Variants in LBH observed in about 807,000 individuals in gnomAD.
The protein encoded by LBH is protein LBH.
A neutral mutation model predicts 12.5 loss-of-function variants in LBH; 7 were observed. That is an observed-to-expected ratio of 0.56 (90% CI 0.32 to 1.05). The LOEUF is 1.05. LBH is among the 50% of genes least tolerant of loss of function. The pLI, the probability that LBH is intolerant of heterozygous loss-of-function variation, is 0.04. For synonymous variants in LBH, 51 were observed against 50.1 expected, an observed-to-expected ratio of 1.02 and a Z score of -0.08; for missense variants, 119 against 138.9, an observed-to-expected ratio of 0.86 and a Z score of 0.72.
intron 2 of LBH, among the ~76,000 whole-genome samples, chr2:30,242,610 A>G (rs750252389): frequency 3.9e-5 from 6 of 152,306 alleles, no homozygotes; most frequent in South Asian, 4.1e-4. Flanking sequence ...ATCCACACCC[A>G]TATTTCTATC....
At chr2:30,232,248 C>CG in intron 1 of LBH, 1 of 1,396,752 alleles carries the variant, frequency 7.2e-7, no homozygotes, top group Non-Finnish European at 9.4e-7. Flanking sequence ...GGGTGGGGGG[C>CG]GGGAAACGCT....
intron 2 of LBH, among the ~76,000 whole-genome samples, chr2:30,250,011 T>C (rs141484103): frequency 6.4e-4 from 98 of 152,268 alleles, no homozygotes; most frequent in African/African-American, 2.3e-3. Flanking sequence ...GATTTTCTCA[T>C]TTTACTCGGG....
intron 2 of LBH, among the ~76,000 whole-genome samples, chr2:30,243,970 A>T: frequency 6.6e-6 from 1 of 152,224 alleles, no homozygotes; most frequent in South Asian, 2.1e-4. Flanking sequence ...AGCAGGGTCC[A>T]CATACTCCTG....
chr2:30,254,790 C>T (rs1381329715), intron 2 of LBH, among the ~76,000 whole-genome samples: 1 of 152,212 alleles, frequency 6.6e-6, no homozygotes, highest in Non-Finnish European at 1.5e-5. Flanking sequence ...GGAGGCAGGG[C>T]CAGGCTCTTC....
At chr2:30,255,291 GGC>G (rs1221680143) in intron 2 of LBH, among the ~76,000 whole-genome samples, 1 of 142,932 alleles carries the variant, frequency 7.0e-6, no homozygotes. Context: ...AAGCCCACGT[GGC>G]GCTCCTCGCT....
At chr2:30,255,466 A>G (rs1678068022) in intron 2 of LBH, among the ~76,000 whole-genome samples, 1 of 152,174 alleles carries the variant, frequency 6.6e-6, no homozygotes, top group South Asian at 2.1e-4. Flanking sequence ...GGCTGCCATT[A>G]TGATACCTTT....
chr2:30,231,850 G>A (rs993279684), intron 1 of LBH, 86 bp downstream of exon 1: 7 of 1,241,206 alleles, frequency 5.6e-6, no homozygotes, highest in African/African-American at 1.6e-5. Flanking sequence ...CTCCGGGTGC[G>A]AGGGCAGCCG....
At chr2:30,240,572 C>T (rs1023178022) in intron 2 of LBH, among the ~76,000 whole-genome samples, 16 of 152,174 alleles carry the variant, frequency 1.1e-4, no homozygotes, top group Admixed American at 2.6e-4. Context: ...TGTCCTCAAG[C>T]GCAGCTCAGG....
chr2:30,237,641 G>A (rs186346710), intron 2 of LBH, among the ~76,000 whole-genome samples: 9 of 152,224 alleles, frequency 5.9e-5, no homozygotes, highest in East Asian at 1.9e-4. Flanking sequence ...GCCTCCTCAC[G>A]CTCATGCCTA....
At chr2:30,236,288 AGGGAGGAAGGAGCTGG>A (rs1052011610) in intron 2 of LBH, among the ~76,000 whole-genome samples, 1 of 152,104 alleles carries the variant, frequency 6.6e-6, no homozygotes, top group African/African-American at 2.4e-5. Flanking sequence ...GCAGGTGGTG[AGGGAGGAAGGAGCTGG>A]GGGAGGAAGG....
In LBH at chr2:30,257,562, G is replaced by A; in HGVS notation, c.259G>A (p.Val87Ile). ...CCGGTGGCCCCCTGAGGAGTTCCTG[G>A]TCCAGGAGGATGAGCAAGATAACTG... ...ELRWPPEEFL[V>I]QEDEQDNCEE... The change falls in exon 3 of 3, where the codon GTC becomes ATC. Residue 87 changes from valine (V) to isoleucine (I), a missense_variant. Coordinates refer to ENST00000395323, the MANE Select transcript of LBH (RefSeq NM_030915.4). 1 of 1,614,166 alleles carries A rather than the reference G, an allele frequency of 6.2e-7. No homozygotes were observed. The highest frequency in any genetic ancestry group is 8.5e-7 in the Non-Finnish European group (1 of 1,180,032).
intron 2 of LBH, among the ~76,000 whole-genome samples, chr2:30,245,969 T>C: frequency 6.6e-6 from 1 of 151,890 alleles, no homozygotes; most frequent in Non-Finnish European, 1.5e-5. Context: ...TCTTTTTTTT[T>C]TTTTTTTCCC....
chr2:30,233,075 A>C (rs954370728), intron 1 of LBH: 1 of 152,222 alleles, frequency 6.6e-6, no homozygotes, highest in Non-Finnish European at 1.5e-5. Context: ...GCCTTATTAT[A>C]GGTGAAGCTT....
chr2:30,258,272 G>C lies in LBH; in HGVS notation c.*651G>C, dbSNP rs2103565298. ...TGGCTGCCTGCAAAGCCAGCTGGAG[G>C]TGAAGTGCAGGAAAGGAAAGGTCAC... On this transcript the variant is annotated 3_prime_UTR_variant, in exon 3 of 3. Transcript: ENST00000395323. 6.5e-6 allele frequency: 1 copy of C among 152,710 alleles called. No individual in the cohort carries two copies. Among genetic ancestry groups the C allele is most frequent in the Middle Eastern group, 3.4e-3 (1 of 294 alleles). The allele number at this position is 152,710 out of a possible 1,614,324, so 9.5% of individuals were successfully genotyped here.
chr2:30,231,650 G>A lies in LBH; in HGVS notation c.-89G>A. On this transcript the variant is annotated 5_prime_UTR_variant, in exon 1 of 3. It adds an upstream start codon to the 5' untranslated region. Transcript: ENST00000395323. ...CGGTGTCCGCACTCGGCCGCCTGCC[G>A]TGCCCGTCTGCGCCCGTGTCATCCT... The A allele has an allele frequency of 7.4e-7, 1 of 1,356,574 alleles. No homozygotes were observed. The highest frequency in any genetic ancestry group is 1.0e-6 in the Non-Finnish European group (1 of 959,120). 84.0% of individuals were successfully genotyped at this position (1,356,574 alleles called of 1,614,324 possible).
At chr2:30,250,018 C>T (rs1334878213) in intron 2 of LBH, among the ~76,000 whole-genome samples, 2 of 152,150 alleles carry the variant, frequency 1.3e-5, no homozygotes, top group Non-Finnish European at 2.9e-5. Context: ...TCATTTTACT[C>T]GGGAGGCAGC....
intron 2 of LBH, among the ~76,000 whole-genome samples, chr2:30,243,375 A>C (rs977428507): frequency 6.6e-6 from 1 of 152,142 alleles, no homozygotes; most frequent in African/African-American, 2.4e-5. Context: ...AAGACCAGTA[A>C]AATTACATTG....
At chr2:30,240,637 G>T (rs1677774847) in intron 2 of LBH, among the ~76,000 whole-genome samples, 1 of 152,132 alleles carries the variant, frequency 6.6e-6, no homozygotes, top group African/African-American at 2.4e-5. Flanking sequence ...GCTGAGGGAG[G>T]GCCCCTTATT....
chr2:30,245,839 A>T (rs1677860630), intron 2 of LBH, among the ~76,000 whole-genome samples: 1 of 152,090 alleles, frequency 6.6e-6, no homozygotes, highest in Non-Finnish European at 1.5e-5. Context: ...CAAAAGCAAC[A>T]ACAAAAACCT....
Sources: allele counts gnomAD v4.1 joint callset (sites outside exome capture counted in the v4.1 genomes callset), GRCh38; gene constraint gnomAD v4.1.1; transcripts MANE v1.5; gene names NCBI Gene and HGNC (gene_info 2026-07-23, HGNC 2026-07-21).